Variants in NINL observed in about 807,000 individuals in gnomAD.
NINL encodes ninein like, also known as ninein-like protein.
A neutral mutation model predicts 160.3 loss-of-function variants in NINL; 153 were observed. The ratio of observed to expected loss-of-function variants is 0.95; its 90% confidence interval spans 0.84 to 1.09. The LOEUF is 1.09. Ranked by LOEUF, NINL falls within the 50% of genes least tolerant of loss-of-function variation. The probability of loss-of-function intolerance (pLI) is 0.00; values close to 1 mark genes in which losing one functional copy is unlikely to be tolerated. For synonymous variants in NINL, 800 were observed against 734.8 expected (o/e 1.09, Z -1.43); for missense variants, 1,829 against 1,764.0 (o/e 1.04, Z -0.66).
intron 19 of NINL, among the ~76,000 whole-genome samples, chr20:25,467,020 CG>C (rs1156306592): frequency 4.6e-5 from 7 of 152,190 alleles, no homozygotes; most frequent in African/African-American, 9.7e-5. Flanking sequence ...AGCTGGGCCT[CG>C]GGCCAGTGCA....
chr20:25,466,926 G>C (rs1314094493), intron 19 of NINL, among the ~76,000 whole-genome samples: 1 of 152,208 alleles, frequency 6.6e-6, no homozygotes, highest in Non-Finnish European at 1.5e-5. Flanking sequence ...TGGCAACATA[G>C]TGAGACCCTG....
intron 2 of NINL, among the ~76,000 whole-genome samples, chr20:25,522,939 A>C (rs1240092402): frequency 2.6e-5 from 4 of 152,168 alleles, no homozygotes; most frequent in Non-Finnish European, 5.9e-5. Flanking sequence ...TTCAACTTCA[A>C]ATTACAATTG....
At position 25,568,069 on chromosome 20, in the gene NINL, CAA is replaced by C. The variant is rs2065014359; in HGVS notation, c.-12+17384_-12+17385del. On this transcript the variant is annotated intron_variant, in intron 1 of 23. Coordinates refer to ENST00000278886, the MANE Select transcript of NINL (RefSeq NM_025176.6). ...GAAGCAAGCAGAAGAATGAAAATAA[CAA>C]AGAGGGGAAATCAATAAAACTGAAC... Among the ~76,000 whole-genome samples the C allele has an allele frequency of 6.0e-5, 9 of 150,642 alleles. No homozygotes were observed. In the South Asian group the frequency reaches 1.9e-3, roughly 32 times the overall value.
intron 7 of NINL, 61 bp downstream of exon 7, chr20:25,503,891 T>G (rs1017218497): frequency 3.8e-6 from 6 of 1,597,346 alleles, no homozygotes; most frequent in Non-Finnish European, 5.1e-6. Flanking sequence ...GTCAGCAGTT[T>G]TAGTCACCAG....
chr20:25,467,554 G>T, intron 18 of NINL, 96 bp from the exon 19 acceptor site: 58 of 933,146 alleles, frequency 6.2e-5, no homozygotes, highest in Non-Finnish European at 8.8e-6. Context: ...ATGGGGGTTT[G>T]TAGCCACAGC....
At chr20:25,545,248 T>C (rs2064717780) in intron 1 of NINL, among the ~76,000 whole-genome samples, 1 of 152,154 alleles carries the variant, frequency 6.6e-6, no homozygotes, top group South Asian at 2.1e-4. Context: ...AAGGTGAACA[T>C]TTGAAGAGGA....
At chr20:25,570,694 CTTTTTTTTTTTTT>C (rs57981279) in intron 1 of NINL, among the ~76,000 whole-genome samples, 2 of 91,010 alleles carry the variant, frequency 2.2e-5, no homozygotes, top group Non-Finnish European at 4.0e-5. Context: ...GGCAAGTAGA[CTTTTTTTTTTTTT>C]TTTTTTTTTT....
At chr20:25,521,410 A>T (rs1295643992) in intron 2 of NINL, among the ~76,000 whole-genome samples, 1 of 152,166 alleles carries the variant, frequency 6.6e-6, no homozygotes, top group Non-Finnish European at 1.5e-5. Flanking sequence ...CTAATATCTC[A>T]CATATTTGCG....
chr20:25,561,307 G>A (rs1471000737), intron 1 of NINL, among the ~76,000 whole-genome samples: 3 of 152,188 alleles, frequency 2.0e-5, no homozygotes, highest in African/African-American at 7.2e-5. Flanking sequence ...CCGAGGTGCC[G>A]GGATTGCAGA....
intron 13 of NINL, among the ~76,000 whole-genome samples, chr20:25,487,380 T>C (rs1339260359): frequency 1.3e-5 from 2 of 152,148 alleles, no homozygotes; most frequent in Non-Finnish European, 2.9e-5. Context: ...CACCTGGCAA[T>C]GCTGCCTGGA....
At chr20:25,464,803 C>T (rs1280041952) in intron 19 of NINL, among the ~76,000 whole-genome samples, 1 of 152,208 alleles carries the variant, frequency 6.6e-6, no homozygotes. Context: ...GTCTCCTCAG[C>T]TTCTGTGTCT....
chr20:25,464,376 C>T (rs1264626278), intron 19 of NINL, among the ~76,000 whole-genome samples: 3 of 152,128 alleles, frequency 2.0e-5, no homozygotes, highest in Non-Finnish European at 4.4e-5. Flanking sequence ...GATATTGCAC[C>T]ACTGCACTCC....
chr20:25,521,594 C>T (rs2064265118), intron 2 of NINL, among the ~76,000 whole-genome samples: 1 of 152,172 alleles, frequency 6.6e-6, no homozygotes, highest in South Asian at 2.1e-4. Flanking sequence ...CCTATCCATG[C>T]AGTGCCAGTA....
At chr20:25,559,796 G>A (rs1208727641) in intron 1 of NINL, among the ~76,000 whole-genome samples, 1 of 151,748 alleles carries the variant, frequency 6.6e-6, no homozygotes, top group African/African-American at 2.4e-5. Flanking sequence ...TTGTAAAGAT[G>A]GGATCTCACT....
Position 25,476,042 on chromosome 20 carries a change from C to T in NINL, c.3248+1G>A. The T allele has an allele frequency of 6.2e-7, 1 of 1,611,968 alleles. No individual in the cohort carries two copies. The highest frequency in any genetic ancestry group is 8.5e-7 in the Non-Finnish European group (1 of 1,179,024). ...GTTTTAAGAATGAGTAGAAGGCAAA[C>T]CTGTCGTTCTCTCTCAAATCTACAT... On this transcript the variant is annotated splice_donor_variant, in intron 17 of 23. Transcript: ENST00000278886. LOFTEE classifies it high-confidence loss of function.
intron 2 of NINL, among the ~76,000 whole-genome samples, chr20:25,518,530 T>A (rs2064203733): frequency 6.6e-6 from 1 of 152,258 alleles, no homozygotes; most frequent in Non-Finnish European, 1.5e-5. Context: ...CATGATATTA[T>A]CTTTTTATTG....
rs1445730667 is a variant in NINL at position 25,470,040 on chromosome 20, T to C, written c.3304A>G (p.Arg1102Gly). 2 of 1,614,168 alleles carry C rather than the reference T, an allele frequency of 1.2e-6. No homozygotes were observed. Among genetic ancestry groups the C allele is most frequent in the South Asian group, 1.1e-5 (1 of 91,090 alleles). Residue 1102 changes from arginine to glycine, a missense_variant, in exon 18 of 24, where the codon AGG (arginine) becomes GGG (glycine). Transcript: ENST00000278886. ...GCAGCTTCAAGCTCTTGCCGAACCCTTCCCAGATCGTTTTTCAACAAAGTG... is the reference window on the plus strand; with the variant it reads ...GCAGCTTCAAGCTCTTGCCGAACCCCTCCCAGATCGTTTTTCAACAAAGTG... ...ENTLLKNDLG[R>G]VRQELEAAES...
At position 25,480,215 on chromosome 20, in the gene NINL, C is replaced by A; in HGVS notation, c.1863G>T (p.Met621Ile). The A allele has an allele frequency of 6.2e-7, 1 of 1,614,126 alleles. No homozygotes were observed. The highest frequency in any genetic ancestry group is 2.2e-5 in the East Asian group (1 of 44,880). ...SAPVSIETEL[M>I]MEQVKEHYQD... is the part of the protein sequence containing the mutation. Reference sequence around the variant, plus strand: ...GGTAATGCTCCTTTACCTGCTCCATCATCAGCTCCGTTTCTATACTCACTG... The same window carrying A: ...GGTAATGCTCCTTTACCTGCTCCATAATCAGCTCCGTTTCTATACTCACTG... Residue 621 changes from methionine (M) to isoleucine (I), a missense_variant, in exon 15 of 24, where the codon ATG (methionine) becomes ATT (isoleucine). Coordinates refer to ENST00000278886, the MANE Select transcript of NINL (RefSeq NM_025176.6).
intron 5 of NINL, 41 bp downstream of exon 5, chr20:25,510,633 G>A: frequency 6.4e-7 from 1 of 1,573,706 alleles, no homozygotes; most frequent in African/African-American, 1.3e-5. Flanking sequence ...CAAAGCTCTG[G>A]GCAAAGGCAG....
Sources: gnomAD v4.1 joint callset for allele counts (sites outside exome capture counted in the v4.1 genomes callset) on GRCh38, gnomAD v4.1.1 for gene constraint, MANE v1.5 for transcripts, NCBI Gene and HGNC (gene_info 2026-07-23, HGNC 2026-07-21) for gene names.